PPARGC1A: variants seen among roughly 807,000 people sequenced by gnomAD.
PPARGC1A encodes the protein peroxisome proliferator-activated receptor gamma coactivator 1-alpha.
In PPARGC1A, 25 loss-of-function variants were observed where a neutral mutation model predicts 88.7. That is an observed-to-expected ratio of 0.28 (90% CI 0.21 to 0.39). The LOEUF (loss-of-function observed/expected upper bound fraction) is 0.39. Among genes scored for constraint, PPARGC1A ranks in the 10% least tolerant of loss-of-function variants. The probability of loss-of-function intolerance (pLI) is 1.00; values close to 1 mark genes in which losing one functional copy is unlikely to be tolerated. For missense variants in PPARGC1A, 880 were observed against 968.7 expected (o/e 0.91, Z 1.22); for synonymous variants, 363 against 355.6 (o/e 1.02, Z -0.24).
chr4:24,094,373 A>G, the PPARGC1A span, among the ~76,000 whole-genome samples: 1 of 152,208 alleles, frequency 6.6e-6, no homozygotes, highest in South Asian at 2.1e-4. Flanking sequence ...GTCCTGCAAT[A>G]TTATTTTAAA....
the PPARGC1A span, among the ~76,000 whole-genome samples, chr4:24,470,287 C>CACAG: frequency 2.2e-4 from 29 of 132,280 alleles, no homozygotes; most frequent in East Asian, 5.7e-3. The surrounding 1 kb of genome is among the most constrained non-coding windows in gnomAD (Gnocchi z 5.8). Context: ...GACACACACA[C>CACAG]ACACACACAC....
the PPARGC1A span, among the ~76,000 whole-genome samples, chr4:24,252,659 C>G: frequency 2.0e-5 from 3 of 152,192 alleles, no homozygotes; most frequent in Non-Finnish European, 4.4e-5. Flanking sequence ...ATTTCCAATG[C>G]TCTTCTCGTT....
chr4:24,111,513 T>C, the PPARGC1A span, among the ~76,000 whole-genome samples: 1 of 152,362 alleles, frequency 6.6e-6, no homozygotes, highest in East Asian at 1.9e-4. Flanking sequence ...TTCTAAAGGA[T>C]GGCAATTAGC....
the PPARGC1A span, among the ~76,000 whole-genome samples, chr4:24,003,909 A>G: frequency 2.0e-5 from 3 of 151,504 alleles, no homozygotes; most frequent in African/African-American, 7.3e-5. Context: ...AGTCCTTTTG[A>G]AGAAAAAATG....
the PPARGC1A span, among the ~76,000 whole-genome samples, chr4:24,460,388 T>C: frequency 1.3e-5 from 2 of 152,160 alleles, no homozygotes; most frequent in Non-Finnish European, 2.9e-5. Flanking sequence ...CAAAACATCA[T>C]CATACTTGAT....
chr4:24,065,199 A>G, the PPARGC1A span, among the ~76,000 whole-genome samples: 1 of 152,128 alleles, frequency 6.6e-6, no homozygotes, highest in Non-Finnish European at 1.5e-5. Context: ...AGTCCCTTCT[A>G]GGTCCCTGCA....
At chr4:23,974,883 CTG>C in the PPARGC1A span, among the ~76,000 whole-genome samples, 1 of 136,130 alleles carries the variant, frequency 7.3e-6, no homozygotes, top group Non-Finnish European at 1.5e-5. Flanking sequence ...TCTTGATCTC[CTG>C]ACCTCGTGAT....
chr4:24,447,972 G>C, the PPARGC1A span, among the ~76,000 whole-genome samples: 1 of 152,128 alleles, frequency 6.6e-6, no homozygotes, highest in African/African-American at 2.4e-5. Flanking sequence ...AAACACCAGA[G>C]GGTTCCCAAG....
chr4:24,432,018 G>C, the PPARGC1A span, among the ~76,000 whole-genome samples: 1 of 152,098 alleles, frequency 6.6e-6, no homozygotes, highest in Non-Finnish European at 1.5e-5. Context: ...ATGGCTTCAG[G>C]GAAAATGGGG....
At chr4:24,050,865 T>G in the PPARGC1A span, among the ~76,000 whole-genome samples, 1 of 152,108 alleles carries the variant, frequency 6.6e-6, no homozygotes, top group Non-Finnish European at 1.5e-5. Flanking sequence ...ATCAACATTT[T>G]ATTTAGAACC....
At chr4:24,055,252 C>T in the PPARGC1A span, among the ~76,000 whole-genome samples, 13 of 152,198 alleles carry the variant, frequency 8.5e-5, no homozygotes, top group Non-Finnish European at 1.9e-4. Context: ...TTCATGGGCT[C>T]CCACATCCTT....
At chr4:24,231,063 CAG>C in the PPARGC1A span, among the ~76,000 whole-genome samples, 3 of 151,420 alleles carry the variant, frequency 2.0e-5, no homozygotes, top group Non-Finnish European at 2.9e-5. Context: ...AAAAGAGAAA[CAG>C]AGAAAAATCG....
the PPARGC1A span, among the ~76,000 whole-genome samples, chr4:24,049,137 CGTAT>C: frequency 5.3e-5 from 8 of 149,786 alleles, no homozygotes; most frequent in African/African-American, 1.7e-4. Context: ...CATGTGTGTG[CGTAT>C]GTGTGTGTGT....
At chr4:24,084,678 C>T in the PPARGC1A span, among the ~76,000 whole-genome samples, 1 of 152,130 alleles carries the variant, frequency 6.6e-6, no homozygotes, top group Admixed American at 6.5e-5. Context: ...TCTCTCCCAG[C>T]CTTATGAATC....
At chr4:24,339,237 T>TATACAC in the PPARGC1A span, among the ~76,000 whole-genome samples, 53 of 104,304 alleles carry the variant, frequency 5.1e-4, no homozygotes, top group East Asian at 1.5e-3. Flanking sequence ...TATATATATA[T>TATACAC]ACACACACAC....
the PPARGC1A span, among the ~76,000 whole-genome samples, chr4:24,296,070 GTATATATGTACATATATACACACATACA>G: frequency 2.0e-5 from 3 of 150,260 alleles, no homozygotes; most frequent in Non-Finnish European, 3.0e-5. Context: ...ATGTGTATAT[GTATATATGTACATATATACACACATACA>G]TATATATGTA....
At chr4:24,127,572 T>C in the PPARGC1A span, among the ~76,000 whole-genome samples, 1 of 152,038 alleles carries the variant, frequency 6.6e-6, no homozygotes, top group African/African-American at 2.4e-5. Context: ...TGGATATATA[T>C]ATAGACACTG....
the PPARGC1A span, among the ~76,000 whole-genome samples, chr4:24,086,744 T>C: frequency 6.6e-6 from 1 of 152,136 alleles, no homozygotes. Flanking sequence ...AAGTAGGTAA[T>C]AGATAGATAA....
the PPARGC1A span, among the ~76,000 whole-genome samples, chr4:24,256,266 A>C: frequency 3.3e-5 from 5 of 152,236 alleles, no homozygotes; most frequent in Non-Finnish European, 5.9e-5. Flanking sequence ...CATGGAAAGC[A>C]CTCTGTTGCC....
Sources: gnomAD v4.1 joint callset for allele counts (sites outside exome capture counted in the v4.1 genomes callset) on GRCh38, gnomAD v4.1.1 for gene constraint, Gnocchi (gnomAD v3.1) non-coding constraint, MANE v1.5 for transcripts, NCBI Gene and HGNC (gene_info 2026-07-23, HGNC 2026-07-21) for gene names.